The following TMEM117 variants were observed in gnomAD, a reference collection of about 807,000 sequenced individuals.
The protein encoded by TMEM117 is transmembrane protein 117.
In TMEM117, 27 loss-of-function variants were observed where a neutral mutation model predicts 52.4. The observed-to-expected ratio is 0.51, with a 90% CI of 0.38 to 0.71. The LOEUF (loss-of-function observed/expected upper bound fraction) is 0.71, where lower values mean the gene tolerates loss of function less well. Among genes scored for constraint, TMEM117 ranks in the 30% least tolerant of loss-of-function variants. The pLI is 0.00. For missense variants in TMEM117, 556 were observed against 630.5 expected, an observed-to-expected ratio of 0.88 and a Z score of 1.26; for synonymous variants, 215 against 206.3, an observed-to-expected ratio of 1.04 and a Z score of -0.36.
At chr12:44,198,733 A>C (rs552597270) in intron 4 of TMEM117, among the ~76,000 whole-genome samples, 2 of 152,296 alleles carry the variant, frequency 1.3e-5, no homozygotes, top group South Asian at 2.1e-4. Context: ...TTTATGGTGT[A>C]CTTGGAGTGA....
chr12:44,363,640 C>T (rs1336830301), intron 6 of TMEM117, among the ~76,000 whole-genome samples: 1 of 152,094 alleles, frequency 6.6e-6, no homozygotes, highest in Non-Finnish European at 1.5e-5. Context: ...AAATCTTTCA[C>T]TGATTCTGAG....
At chr12:44,031,703 C>G (rs1486410995) in intron 3 of TMEM117, among the ~76,000 whole-genome samples, 1 of 152,136 alleles carries the variant, frequency 6.6e-6, no homozygotes, top group African/African-American at 2.4e-5. Flanking sequence ...TACTCAAGAA[C>G]AAAATTTGGA....
intron 4 of TMEM117, among the ~76,000 whole-genome samples, chr12:44,156,330 A>G (rs938801870): frequency 6.6e-6 from 1 of 152,082 alleles, no homozygotes; most frequent in Non-Finnish European, 1.5e-5. Context: ...TAAGCTGTCA[A>G]TATTTGTAAA....
chr12:44,209,627 T>A (rs1467141474), intron 4 of TMEM117, among the ~76,000 whole-genome samples: 2 of 152,138 alleles, frequency 1.3e-5, no homozygotes, highest in African/African-American at 4.8e-5. Flanking sequence ...CCACAAATTA[T>A]TGTAGGCCCT....
At chr12:44,344,683 T>C (rs1941927237) in intron 6 of TMEM117, among the ~76,000 whole-genome samples, 1 of 152,096 alleles carries the variant, frequency 6.6e-6, no homozygotes, top group African/African-American at 2.4e-5. Flanking sequence ...AAATATGTAG[T>C]ATTGCATAAA....
rs570230455 is a variant in TMEM117, at chr12:44,223,447, C to G, written c.608+12060C>G. 2.0e-5 allele frequency among the ~76,000 whole-genome samples: 3 copies of G among 149,750 alleles called. No homozygotes were observed. The South Asian group carries it at 6.3e-4, about 32-fold the overall frequency. On this transcript the variant is annotated intron_variant, in intron 5 of 7. Transcript: ENST00000266534. Reference sequence around the variant, plus strand: ...CTCAACCCCCATACCAGACCTTCTCCCTTCATGGTGGCTTCTACCTAGATC... The same window carrying G: ...CTCAACCCCCATACCAGACCTTCTCGCTTCATGGTGGCTTCTACCTAGATC...
chr12:44,110,223 G>A (rs1158293308), intron 3 of TMEM117, among the ~76,000 whole-genome samples: 1 of 148,220 alleles, frequency 6.7e-6, no homozygotes, highest in Non-Finnish European at 1.5e-5. Context: ...TGATTGCCCT[G>A]GCCAGAACTT....
chr12:44,143,773 T>C, intron 4 of TMEM117, 149 bp downstream of exon 4: 1 of 604,672 alleles, frequency 1.7e-6, no homozygotes, highest in Non-Finnish European at 2.9e-6. Context: ...TTCCAGAGAT[T>C]ATATCCAATA....
chr12:43,983,578 G>A (rs1307712384), intron 3 of TMEM117, among the ~76,000 whole-genome samples: 1 of 149,388 alleles, frequency 6.7e-6, no homozygotes, highest in African/African-American at 2.5e-5. Context: ...GTGTGTGTGT[G>A]TGTGTGTGTG....
At chr12:44,164,856 G>A (rs1187764406) in intron 4 of TMEM117, among the ~76,000 whole-genome samples, 2 of 152,136 alleles carry the variant, frequency 1.3e-5, no homozygotes, top group African/African-American at 4.8e-5. Flanking sequence ...CATGCAACGT[G>A]TAATGATTAA....
At chr12:43,909,609 A>C (rs1362051775) in intron 2 of TMEM117, among the ~76,000 whole-genome samples, 1 of 151,762 alleles carries the variant, frequency 6.6e-6, no homozygotes, top group Non-Finnish European at 1.5e-5. Flanking sequence ...AGCAAGACTA[A>C]TAAAGAAAAA....
At chr12:44,167,194 A>G (rs930190340) in intron 4 of TMEM117, among the ~76,000 whole-genome samples, 15 of 152,304 alleles carry the variant, frequency 9.8e-5, no homozygotes, top group African/African-American at 2.6e-4. Context: ...GAACGTCTCC[A>G]CAGATGGTTT....
intron 5 of TMEM117, among the ~76,000 whole-genome samples, chr12:44,256,989 C>T (rs1004027722): frequency 6.6e-6 from 1 of 150,806 alleles, no homozygotes; most frequent in African/African-American, 2.4e-5. Context: ...CTGACCCTGA[C>T]AAATGACTTT....
At chr12:44,297,019 G>A (rs896388044) in intron 5 of TMEM117, among the ~76,000 whole-genome samples, 4 of 152,086 alleles carry the variant, frequency 2.6e-5, no homozygotes, top group African/African-American at 9.7e-5. Context: ...TCCAAAGCTC[G>A]AAAAAGGCAC....
At chr12:43,842,024 C>T (rs543840560) in intron 1 of TMEM117, among the ~76,000 whole-genome samples, 1 of 152,162 alleles carries the variant, frequency 6.6e-6, no homozygotes, top group East Asian at 1.9e-4. Context: ...CATATGGGAA[C>T]TATTTCTTTT....
intron 2 of TMEM117, among the ~76,000 whole-genome samples, chr12:43,866,345 G>T (rs1943598814): frequency 1.3e-5 from 2 of 151,408 alleles, no homozygotes; most frequent in Non-Finnish European, 2.9e-5. Context: ...CTTTCAGGCA[G>T]GAGGATTGCT....
intron 6 of TMEM117, among the ~76,000 whole-genome samples, chr12:44,343,353 G>A (rs1002509612): frequency 6.6e-6 from 1 of 152,214 alleles, no homozygotes; most frequent in African/African-American, 2.4e-5. Flanking sequence ...ATGGGAATAA[G>A]CAAATTCCCT....
intron 3 of TMEM117, among the ~76,000 whole-genome samples, chr12:43,961,912 A>C (rs970644100): frequency 3.4e-4 from 51 of 152,214 alleles, no homozygotes; most frequent in African/African-American, 1.2e-3. Context: ...GTCTGATTTA[A>C]TAAATTAATA....
intron 5 of TMEM117, among the ~76,000 whole-genome samples, chr12:44,251,967 C>T (rs191257656): frequency 2.0e-5 from 3 of 151,980 alleles, no homozygotes; most frequent in East Asian, 3.9e-4. Flanking sequence ...TACTTACAGG[C>T]GAAAAAAGAA....
Sources: allele counts gnomAD v4.1 joint callset (sites outside exome capture counted in the v4.1 genomes callset), GRCh38; gene constraint gnomAD v4.1.1; transcripts MANE v1.5; gene names NCBI Gene and HGNC (gene_info 2026-07-23, HGNC 2026-07-21).